ANO10: variants seen among roughly 807,000 people sequenced by gnomAD.
ANO10 encodes anoctamin-10.
Under a neutral mutation model 74.7 loss-of-function variants are expected in ANO10, and 77 were observed. The ratio of observed to expected loss-of-function variants is 1.03; its 90% CI spans 0.86 to 1.25. The LOEUF is 1.25. ANO10 is among the 50% of genes most tolerant of loss of function. ANO10 has a pLI of 0.00. For missense variants in ANO10, 721 were observed against 778.1 expected, an observed-to-expected ratio of 0.93 and a Z score of 0.87; for synonymous variants, 279 against 284.9, an observed-to-expected ratio of 0.98 and a Z score of 0.21.
At chr3:43,620,776 A>G (rs2083355077) in intron 1 of ANO10, among the ~76,000 whole-genome samples, 1 of 152,236 alleles carries the variant, frequency 6.6e-6, no homozygotes. Flanking sequence ...AAAAAAACAA[A>G]AAGAAAAAAG....
intron 1 of ANO10, among the ~76,000 whole-genome samples, chr3:43,666,625 T>C (rs1003256011): frequency 5.9e-5 from 9 of 152,170 alleles, no homozygotes; most frequent in African/African-American, 2.2e-4. Context: ...GTCCATTCTG[T>C]CTCAGACTAT....
intron 7 of ANO10, among the ~76,000 whole-genome samples, chr3:43,572,679 C>T (rs1430562225): frequency 6.6e-6 from 1 of 152,196 alleles, no homozygotes; most frequent in Non-Finnish European, 1.5e-5. Flanking sequence ...TGCTCAAGAA[C>T]CTATAGCTTA....
intron 1 of ANO10, among the ~76,000 whole-genome samples, chr3:43,678,535 G>A (rs1263743109): frequency 1.3e-5 from 2 of 152,166 alleles, no homozygotes; most frequent in Non-Finnish European, 2.9e-5. Context: ...GTTCCATTCT[G>A]ATTACCGGTG....
At chr3:43,553,169 T>C (rs556960716) in intron 10 of ANO10, among the ~76,000 whole-genome samples, 1 of 152,300 alleles carries the variant, frequency 6.6e-6, no homozygotes, top group African/African-American at 2.4e-5. Context: ...TAGCTTCCAA[T>C]AAGAAATTGC....
At chr3:43,656,592 T>G (rs2083855867) in intron 1 of ANO10, among the ~76,000 whole-genome samples, 1 of 152,200 alleles carries the variant, frequency 6.6e-6, no homozygotes, top group African/African-American at 2.4e-5. Flanking sequence ...AGCTAAGGCC[T>G]GGTGAGAAAT....
Position 43,577,234 on chromosome 3 carries a change from G to A in ANO10, c.620C>T (p.Thr207Ile). The A allele has an allele frequency of 6.2e-7, 1 of 1,614,044 alleles. No homozygotes were observed. Among genetic ancestry groups the A allele is most frequent in the African/African-American group, 1.3e-5 (1 of 75,048 alleles). The change falls in exon 6 of 13, where the codon ACA (threonine) becomes ATA (isoleucine). Residue 207 changes from threonine (T) to isoleucine (I), a missense_variant. Transcript: ENST00000292246. ...CAAAAATCCAAAGTACAGAGCAATT[G>A]TTTCCCCAAAGTAGCCACGAATACT... is the stretch of plus-strand genomic sequence containing the variant. The part of the protein sequence containing the change: ...IDSIRGYFGE[T>I]IALYFGFLEY...
At chr3:43,470,103 T>A (rs2075789969) in intron 11 of ANO10, among the ~76,000 whole-genome samples, 1 of 152,214 alleles carries the variant, frequency 6.6e-6, no homozygotes. Context: ...GTAAATAAAT[T>A]GATAAACAAA....
intron 10 of ANO10, chr3:43,551,423 G>A: frequency 2.3e-6 from 1 of 439,020 alleles, no homozygotes; most frequent in Non-Finnish European, 4.6e-6. Flanking sequence ...ATAATAAACT[G>A]CATGCATTTA....
chr3:43,597,929 A>AAAC (rs1319962607), intron 4 of ANO10, among the ~76,000 whole-genome samples: 2 of 152,026 alleles, frequency 1.3e-5, no homozygotes, highest in Non-Finnish European at 2.9e-5. Context: ...AAAACAAACA[A>AAAC]AACAACAACA....
At chr3:43,399,303 A>G (rs1434131506) in intron 12 of ANO10, among the ~76,000 whole-genome samples, 5 of 152,328 alleles carry the variant, frequency 3.3e-5, no homozygotes, top group Non-Finnish European at 1.5e-5. Flanking sequence ...AGTTGCCAAT[A>G]ACGCCTTTTT....
At position 43,577,226 on chromosome 3, in the gene ANO10, G is replaced by A. The variant is rs780192694; in HGVS notation, c.628C>T (p.Leu210=). ...IRGYFGETIA[L]YFGFLEYFTF... ...AAATACTCCAAAAATCCAAAGTACA[G>A]AGCAATTGTTTCCCCAAAGTAGCCA... Residue 210 remains leucine (L), a synonymous_variant, in exon 6 of 13, where the codon CTG becomes TTG. Coordinates refer to ENST00000292246, the MANE Select transcript of ANO10 (RefSeq NM_018075.5). 1.9e-6 allele frequency: 3 copies of A among 1,614,092 alleles called. No individual in the cohort carries two copies. Among genetic ancestry groups the A allele is most frequent in the Non-Finnish European group, 2.5e-6 (3 of 1,180,022 alleles).
intron 11 of ANO10, among the ~76,000 whole-genome samples, chr3:43,486,973 G>C (rs1483248611): frequency 8.1e-6 from 1 of 123,032 alleles, no homozygotes; most frequent in Non-Finnish European, 1.7e-5. Context: ...TTTGAAATAC[G>C]TCCCATCAAT....
At chr3:43,388,749 G>C (rs1173379384) in intron 12 of ANO10, among the ~76,000 whole-genome samples, 1 of 152,184 alleles carries the variant, frequency 6.6e-6, no homozygotes, top group African/African-American at 2.4e-5. Context: ...AGAGGATAAA[G>C]GCTAGAACCT....
chr3:43,479,875 G>C (rs565456988), intron 11 of ANO10, among the ~76,000 whole-genome samples: 1 of 152,142 alleles, frequency 6.6e-6, no homozygotes, highest in African/African-American at 2.4e-5. Flanking sequence ...TCATCCAGTG[G>C]AAGACACAAG....
At chr3:43,670,020 A>G (rs2084038497) in intron 1 of ANO10, among the ~76,000 whole-genome samples, 5 of 151,666 alleles carry the variant, frequency 3.3e-5, no homozygotes, top group Admixed American at 3.3e-4. Context: ...CACCGCGCCC[A>G]GCTTTTTAGT....
At chr3:43,634,065 T>C (rs891162834) in intron 1 of ANO10, among the ~76,000 whole-genome samples, 1 of 147,964 alleles carries the variant, frequency 6.8e-6, no homozygotes, top group African/African-American at 2.5e-5. Context: ...TTCCAAAAGA[T>C]ATTTAATAAT....
chr3:43,385,832 G>A (rs775317375), intron 12 of ANO10, among the ~76,000 whole-genome samples: 3 of 151,832 alleles, frequency 2.0e-5, no homozygotes, highest in Admixed American at 1.3e-4. Context: ...CAGGTGATGG[G>A]TGCACTAAAA....
chr3:43,543,645 C>G (rs1356362748), intron 11 of ANO10, among the ~76,000 whole-genome samples: 1 of 152,198 alleles, frequency 6.6e-6, no homozygotes, highest in Non-Finnish European at 1.5e-5. Context: ...CTTCGGCCTC[C>G]CAAAGTGCTA....
intron 1 of ANO10, among the ~76,000 whole-genome samples, chr3:43,660,187 T>A (rs2083909609): frequency 6.6e-6 from 1 of 152,136 alleles, no homozygotes; most frequent in South Asian, 2.1e-4. Context: ...GAATGACTCT[T>A]CTGTTCCAAA....
Sources: allele counts gnomAD v4.1 joint callset (sites outside exome capture counted in the v4.1 genomes callset), GRCh38; gene constraint gnomAD v4.1.1; transcripts MANE v1.5; gene names NCBI Gene and HGNC (gene_info 2026-07-23, HGNC 2026-07-21).